The following LPP variants were observed in gnomAD, a reference collection of about 807,000 sequenced individuals.
LPP encodes lipoma-preferred partner.
Under a neutral mutation model 60.4 loss-of-function variants are expected in LPP, and 38 were observed. The observed-to-expected ratio is 0.63, with a 90% CI of 0.49 to 0.83. The LOEUF is 0.83. LPP is among the 40% of genes least tolerant of loss of function. The probability of loss-of-function intolerance (pLI) is 0.00; values close to 1 mark genes in which losing one functional copy is unlikely to be tolerated. For missense variants in LPP, 902 were observed against 783.6 expected, an observed-to-expected ratio of 1.15 and a Z score of -1.80; for synonymous variants, 328 against 290.8, an observed-to-expected ratio of 1.13 and a Z score of -1.30.
chr3:188,368,717 C>G lies in LPP; in HGVS notation c.-10+26998C>G, dbSNP rs866754620. ...ACACACACACACACACACACACACACACAGAGAGAGAGAGAGAGAGAGAGA... is the reference window on the plus strand; with the variant it reads ...ACACACACACACACACACACACACAGACAGAGAGAGAGAGAGAGAGAGAGA... On this transcript the variant is annotated intron_variant, in intron 3 of 11. Transcript: ENST00000617246. Among the ~76,000 whole-genome samples, 175 of 105,578 alleles carry G rather than the reference C, an allele frequency of 1.7e-3. 1 individual carries two copies. Among genetic ancestry groups the G allele is most frequent in the African/African-American group, 2.3e-3 (77 of 32,794 alleles). 69.3% of individuals were successfully genotyped at this position (105,578 alleles called of 152,430 possible).
intron 5 of LPP, among the ~76,000 whole-genome samples, chr3:188,491,163 A>G (rs750613830): frequency 9.2e-5 from 14 of 152,194 alleles, no homozygotes; most frequent in Non-Finnish European, 1.8e-4. Context: ...AACCTACAGT[A>G]TGGCCACATT....
chr3:188,563,322 A>G (rs1228273003), intron 6 of LPP, among the ~76,000 whole-genome samples: 7 of 151,892 alleles, frequency 4.6e-5, no homozygotes, highest in Non-Finnish European at 8.8e-5. Context: ...AGTTGAACAT[A>G]ACAGCCCTCC....
At chr3:188,398,700 A>G (rs919866752) in intron 3 of LPP, among the ~76,000 whole-genome samples, 12 of 152,240 alleles carry the variant, frequency 7.9e-5, no homozygotes, top group Non-Finnish European at 1.8e-4. Flanking sequence ...TTATTCTTCA[A>G]TGCTGTCTTC....
chr3:188,179,327 C>G (rs1025734628), intron 1 of LPP: 1 of 458,332 alleles, frequency 2.2e-6, no homozygotes. Context: ...AGCCCTTCAT[C>G]ACAGCTCTGC....
Position 188,439,443 on chromosome 3 carries a change from T to C in LPP, c.193+33130T>C, listed in dbSNP as rs937272756. 2.6e-5 allele frequency among the ~76,000 whole-genome samples: 4 copies of C among 152,208 alleles called. No homozygotes were observed. In the East Asian group the frequency reaches 7.7e-4, roughly 29 times the overall value. On this transcript the variant is annotated intron_variant, in intron 4 of 11. Coordinates refer to ENST00000617246, the MANE Select transcript of LPP (RefSeq NM_001375462.1). Reference sequence around the variant, plus strand: ...TGGCAGAGAGTAAAACAAACCTTCATGTTTTGCTCCTTGGTAGTCTCGAGA... The same window carrying C: ...TGGCAGAGAGTAAAACAAACCTTCACGTTTTGCTCCTTGGTAGTCTCGAGA...
At chr3:188,441,524 G>T (rs1793830813) in intron 4 of LPP, among the ~76,000 whole-genome samples, 1 of 150,666 alleles carries the variant, frequency 6.6e-6, no homozygotes, top group Non-Finnish European at 1.5e-5. Flanking sequence ...GGAAGGTACA[G>T]TGTCAGAGTT....
chr3:188,419,060 C>T (rs1376923508), intron 4 of LPP, among the ~76,000 whole-genome samples: 1 of 152,078 alleles, frequency 6.6e-6, no homozygotes, highest in Non-Finnish European at 1.5e-5. Flanking sequence ...AAGAAATCTC[C>T]AAGTTCTATG....
intron 6 of LPP, among the ~76,000 whole-genome samples, chr3:188,595,751 T>C (rs969942619): frequency 3.3e-5 from 5 of 152,190 alleles, no homozygotes; most frequent in Admixed American, 3.3e-4. Flanking sequence ...TCATTATTAT[T>C]GTTGTTTTTA....
chr3:188,270,717 A>G (rs147375132), intron 2 of LPP, among the ~76,000 whole-genome samples: 7 of 152,378 alleles, frequency 4.6e-5, no homozygotes, highest in African/African-American at 1.7e-4. Context: ...TATGCAGAAC[A>G]TGAACTGTGA....
intron 2 of LPP, among the ~76,000 whole-genome samples, chr3:188,236,998 T>C (rs1722153351): frequency 6.6e-6 from 1 of 152,242 alleles, no homozygotes; most frequent in Admixed American, 6.5e-5. Flanking sequence ...TCAAGAAAAC[T>C]TCTTTCAAAA....
intron 3 of LPP, among the ~76,000 whole-genome samples, chr3:188,345,864 G>A (rs1764206606): frequency 6.6e-6 from 1 of 152,218 alleles, no homozygotes; most frequent in South Asian, 2.1e-4. Flanking sequence ...GAGGTTCAAA[G>A]AGTAGAAATC....
chr3:188,156,847 C>CA (rs1203817694), intron 1 of LPP, among the ~76,000 whole-genome samples: 1 of 131,596 alleles, frequency 7.6e-6, no homozygotes, highest in African/African-American at 3.3e-5. Context: ...CTCTGCTGCG[C>CA]CCCACCCCCC....
intron 5 of LPP, among the ~76,000 whole-genome samples, chr3:188,487,827 G>A (rs2149709467): frequency 6.6e-6 from 1 of 152,264 alleles, no homozygotes; most frequent in South Asian, 2.1e-4. Flanking sequence ...GCTGGTAAAT[G>A]TGTGTTTTTA....
chr3:188,261,785 A>C (rs1262881790), intron 2 of LPP, among the ~76,000 whole-genome samples: 1 of 151,908 alleles, frequency 6.6e-6, no homozygotes, highest in East Asian at 1.9e-4. Context: ...GTGGTGGCAC[A>C]TATCTGTAGT....
At chr3:188,199,959 C>T (rs989711352) in intron 1 of LPP, among the ~76,000 whole-genome samples, 2 of 152,002 alleles carry the variant, frequency 1.3e-5, no homozygotes, top group Non-Finnish European at 2.9e-5. Context: ...AGGTGATCCT[C>T]CCAAAGTGCT....
intron 2 of LPP, among the ~76,000 whole-genome samples, chr3:188,340,462 T>C (rs1008685959): frequency 1.3e-5 from 2 of 151,686 alleles, no homozygotes; most frequent in Non-Finnish European, 2.9e-5. Flanking sequence ...GGATCCATGT[T>C]CTTTTCTTAA....
At chr3:188,447,820 G>T (rs892405071) in intron 4 of LPP, among the ~76,000 whole-genome samples, 1 of 151,812 alleles carries the variant, frequency 6.6e-6, no homozygotes, top group Non-Finnish European at 1.5e-5. Flanking sequence ...ATAGCAGTAT[G>T]GCCATAGAGT....
intron 2 of LPP, among the ~76,000 whole-genome samples, chr3:188,267,994 T>A (rs1317919): frequency 0.16 from 23,574 of 149,982 alleles, 3,176 homozygotes; most frequent in African/African-American, 0.36. Context: ...GAGGAATCGA[T>A]GGAATTCCAA....
intron 2 of LPP, among the ~76,000 whole-genome samples, chr3:188,326,146 G>A (rs1433975372): frequency 6.6e-5 from 10 of 152,134 alleles, no homozygotes; most frequent in African/African-American, 1.7e-4. Flanking sequence ...TGATGATAAC[G>A]AGTCTTTCTA....
Sources: gnomAD v4.1 joint callset for allele counts (sites outside exome capture counted in the v4.1 genomes callset) on GRCh38, gnomAD v4.1.1 for gene constraint, MANE v1.5 for transcripts, NCBI Gene and HGNC (gene_info 2026-07-23, HGNC 2026-07-21) for gene names.